The following SMC1B variants were observed in gnomAD, a reference collection of about 807,000 sequenced individuals.
SMC1B encodes structural maintenance of chromosomes 1B.
In SMC1B, 60 loss-of-function variants were observed where a neutral mutation model predicts 157.9. The ratio of observed to expected loss-of-function variants is 0.38; its 90% CI spans 0.31 to 0.47. SMC1B has a LOEUF of 0.47. Ranked by LOEUF, SMC1B falls within the 20% of genes least tolerant of loss-of-function variation. The pLI is 0.99. For missense variants in SMC1B, 1,165 were observed against 1,426.2 expected (o/e 0.82, Z 2.95); for synonymous variants, 445 against 483.0 (o/e 0.92, Z 1.03).
rs1262924971 is a variant in SMC1B at position 45,381,951 on chromosome 22, T to G, written c.2058+1516A>C. 2.0e-5 allele frequency among the ~76,000 whole-genome samples: 3 copies of G among 152,322 alleles called. No individual in the cohort carries two copies. The East Asian group carries it at 5.8e-4, about 29-fold the overall frequency. The stretch of plus-strand genomic sequence containing the variant: ...TAATCTGAAAGCATTCTATATTGAT[T>G]TAGCATCTGTAAAATTTGGCTTCAA... On this transcript the variant is annotated intron_variant, in intron 12 of 24. Coordinates refer to ENST00000357450, the MANE Select transcript of SMC1B (RefSeq NM_148674.5).
rs776231146 is a variant in SMC1B at position 45,406,498 on chromosome 22, C to T, written c.577G>A (p.Ala193Thr). The change falls in exon 4 of 25, where the codon GCG becomes ACG. Residue 193 changes from alanine to threonine, a missense_variant. Ala to Thr is a moderately conservative substitution (Grantham distance 58, BLOSUM62 0). Coordinates refer to ENST00000357450, the MANE Select transcript of SMC1B (RefSeq NM_148674.5). ...AATTTTGCTTGTCTGCGCTCTGCCG[C>T]TATATTTTTTTTCTTATTAAAGTTA... is the stretch of plus-strand genomic sequence containing the variant. ...QFNFNKKKNI[A>T]AERRQAKLEK... 6.2e-7 allele frequency: 1 copy of T among 1,612,074 alleles called. No individual in the cohort carries two copies. The highest frequency in any genetic ancestry group is 2.2e-5 in the East Asian group (1 of 44,844).
chr22:45,412,623 C>G (rs1171283202), intron 1 of SMC1B, among the ~76,000 whole-genome samples: 1 of 151,452 alleles, frequency 6.6e-6, no homozygotes, highest in Non-Finnish European at 1.5e-5. Context: ...TCTCCCGCCT[C>G]AGCCTCCAGA....
At chr22:45,356,563 T>G (rs1290951821) in intron 19 of SMC1B, among the ~76,000 whole-genome samples, 1 of 152,006 alleles carries the variant, frequency 6.6e-6, no homozygotes, top group Non-Finnish European at 1.5e-5. Flanking sequence ...AAGTATATGG[T>G]CACATCACTG....
rs531957850 is a variant in SMC1B, at chr22:45,395,540, G to T, written c.1255-773C>A. Among the ~76,000 whole-genome samples, 4 of 152,134 alleles carry T rather than the reference G, an allele frequency of 2.6e-5. No individual in the cohort carries two copies. In the East Asian group the frequency reaches 7.7e-4, roughly 29 times the overall value. On this transcript the variant is annotated intron_variant, in intron 7 of 24. Transcript: ENST00000357450. ...TACCAATTAATTTTAATTTTTATGC[G>T]ATCTGACAAAAGCCCTTAGATATAG...
At chr22:45,403,727 G>A (rs1307663531) in intron 4 of SMC1B, among the ~76,000 whole-genome samples, 1 of 152,126 alleles carries the variant, frequency 6.6e-6, no homozygotes, top group African/African-American at 2.4e-5. Context: ...CCAAAGTACT[G>A]GGATTAAAGA....
chr22:45,354,369 TG>T (rs2086649154), intron 20 of SMC1B, among the ~76,000 whole-genome samples: 4 of 151,318 alleles, frequency 2.6e-5, no homozygotes, highest in Middle Eastern at 3.4e-3. Context: ...AGGGTATGTA[TG>T]TATGTATGTA....
rs201732593 is a variant in SMC1B, at chr22:45,362,874, T to C, written c.2562+11A>G. The C allele has an allele frequency of 1.6e-5, 26 of 1,585,924 alleles. No individual in the cohort carries two copies. The East Asian group carries it at 5.6e-4, about 34-fold the overall frequency. On this transcript the variant is annotated intron_variant, in intron 16 of 24. Transcript: ENST00000357450. ...AATGAAGAGGCACTTCAGCTACCCA[T>C]TATTAATTACCTTCTTTAGGTGATC...
At chr22:45,404,523 A>G (rs953287669) in intron 4 of SMC1B, among the ~76,000 whole-genome samples, 1 of 152,200 alleles carries the variant, frequency 6.6e-6, no homozygotes, top group African/African-American at 2.4e-5. Context: ...TTTACAATGT[A>G]TTCTCTCTGA....
At chr22:45,352,390 G>A in intron 22 of SMC1B, 61 bp downstream of exon 22, 2 of 1,484,714 alleles carry the variant, frequency 1.3e-6, no homozygotes, top group Non-Finnish European at 1.8e-6. Context: ...TATATCTTCT[G>A]TAGGAAGGTC....
intron 2 of SMC1B, among the ~76,000 whole-genome samples, 194 bp from the exon 3 acceptor site, chr22:45,407,059 C>T (rs979837497): frequency 1.5e-4 from 23 of 151,996 alleles, no homozygotes; most frequent in African/African-American, 5.1e-4. Context: ...TTTACAGTGG[C>T]GAACAAAACA....
At chr22:45,398,552 G>A (rs143440602) in intron 6 of SMC1B, among the ~76,000 whole-genome samples, 147 of 152,246 alleles carry the variant, frequency 9.7e-4, no homozygotes, top group African/African-American at 3.4e-3. Context: ...TGCATCGGCC[G>A]GGCATGGTGG....
chr22:45,352,313 G>T, intron 22 of SMC1B, 138 bp downstream of exon 22: 2 of 730,460 alleles, frequency 2.7e-6, no homozygotes, highest in Non-Finnish European at 4.0e-6. Context: ...AACATAATCT[G>T]AATTGTCTGG....
At chr22:45,348,658 G>A (rs1268879007) in intron 23 of SMC1B, among the ~76,000 whole-genome samples, 1 of 151,614 alleles carries the variant, frequency 6.6e-6, no homozygotes, top group Non-Finnish European at 1.5e-5. Flanking sequence ...TCTAAGCCTT[G>A]AATGAAGACT....
At position 45,355,083 on chromosome 22, in the gene SMC1B, G is replaced by T; in HGVS notation, c.2994C>A (p.His998Gln). ...ALQSDQEIEA[H>Q]LRLLLQQVAS... The stretch of plus-strand genomic sequence containing the variant: ...CTACTTGCTGCAATAAGAGCCTAAG[G>T]TGGGCCTCGATTTCTTGATCAGACT... Residue 998 changes from histidine to glutamine, a missense_variant, in exon 20 of 25, where the codon CAC (histidine) becomes CAA (glutamine). By Grantham distance (24) the His-to-Gln change is conservative. Transcript: ENST00000357450. 6.2e-7 allele frequency: 1 copy of T among 1,614,158 alleles called. No individual in the cohort carries two copies. Among genetic ancestry groups the T allele is most frequent in the South Asian group, 1.1e-5 (1 of 91,082 alleles).
rs768827050 is a variant in SMC1B, at chr22:45,389,824, C to T, written c.1619G>A (p.Arg540Gln). ...GGCTACAACAATGGCAGTGATGAACCGGCCAAAAACCTTAGTAACAGCCAG... is the reference window on the plus strand; with the variant it reads ...GGCTACAACAATGGCAGTGATGAACTGGCCAAAAACCTTAGTAACAGCCAG... ...YQLAVTKVFGRFITAIVVASE... is the reference protein window; with the variant it reads ...YQLAVTKVFGQFITAIVVASE... Residue 540 changes from arginine to glutamine, a missense_variant, in exon 10 of 25, where the codon CGG (arginine) becomes CAG (glutamine). Transcript: ENST00000357450. 9.3e-6 allele frequency: 15 copies of T among 1,613,834 alleles called. No individual in the cohort carries two copies. Among genetic ancestry groups the T allele is most frequent in the African/African-American group, 4.0e-5 (3 of 74,880 alleles).
At chr22:45,395,715 A>G (rs1439065236) in intron 7 of SMC1B, among the ~76,000 whole-genome samples, 1 of 152,124 alleles carries the variant, frequency 6.6e-6, no homozygotes, top group African/African-American at 2.4e-5. Context: ...AAATTAGCCA[A>G]GCATGGTGGC....
chr22:45,368,974 T>C (rs990218468), intron 15 of SMC1B, among the ~76,000 whole-genome samples: 2 of 152,244 alleles, frequency 1.3e-5, no homozygotes, highest in African/African-American at 4.8e-5. Flanking sequence ...TCTCTTCCTA[T>C]TGTAACTGGC....
intron 12 of SMC1B, among the ~76,000 whole-genome samples, chr22:45,374,907 TAGAAATA>T (rs2086870267): frequency 6.6e-6 from 1 of 152,138 alleles, no homozygotes; most frequent in East Asian, 1.9e-4. Flanking sequence ...CCTACTCATC[TAGAAATA>T]AACCATCCTA....
rs753111683 is a variant in SMC1B at position 45,358,778 on chromosome 22, T to G, written c.2880A>C (p.Glu960Asp). Residue 960 changes from glutamate (E) to aspartate (D), a missense_variant, in exon 19 of 25, where the codon GAA (glutamate) becomes GAC (aspartate). Physicochemically the swap from Glu to Asp is conservative, Grantham distance 45. Transcript: ENST00000357450. ...IIEVEMGTEA[E>D]STQATIDIYE... Reference sequence around the variant, plus strand: ...AGATATCAATTGTTGCCTGGGTACTTTCTGCTTCAGTTCCCATCTGAAAAA... The same window carrying G: ...AGATATCAATTGTTGCCTGGGTACTGTCTGCTTCAGTTCCCATCTGAAAAA... The G allele has an allele frequency of 6.2e-7, 1 of 1,612,704 alleles. No individual in the cohort carries two copies. Among genetic ancestry groups the G allele is most frequent in the African/African-American group, 1.3e-5 (1 of 74,896 alleles).
Sources: gnomAD v4.1 joint callset for allele counts (sites outside exome capture counted in the v4.1 genomes callset) on GRCh38, gnomAD v4.1.1 for gene constraint, MANE v1.5 for transcripts, NCBI Gene and HGNC (gene_info 2026-07-23, HGNC 2026-07-21) for gene names.